APBB2: variants seen among roughly 807,000 people sequenced by gnomAD.
APBB2 encodes Fe65-like 1.
A neutral mutation model predicts 82.5 loss-of-function variants in APBB2; 38 were observed. That is an observed-to-expected ratio of 0.46 (90% confidence interval 0.36 to 0.60). The LOEUF (loss-of-function observed/expected upper bound fraction) is 0.60, where lower values mean the gene tolerates loss of function less well. Ranked by LOEUF, APBB2 falls within the 20% of genes least tolerant of loss-of-function variation. The pLI is 0.00. For missense variants in APBB2, 772 were observed against 972.3 expected (o/e 0.79, Z 2.74); for synonymous variants, 341 against 368.2 (o/e 0.93, Z 0.85).
chr4:41,116,733 A>G (rs28627130), intron 2 of APBB2, among the ~76,000 whole-genome samples: 29,326 of 152,226 alleles, frequency 0.19, 2,982 homozygotes, highest in African/African-American at 0.26. Context: ...TAATAATTGT[A>G]TAAATGAGGG....
intron 5 of APBB2, among the ~76,000 whole-genome samples, chr4:41,031,760 A>C (rs1042322600): frequency 6.6e-6 from 1 of 152,234 alleles, no homozygotes; most frequent in African/African-American, 2.4e-5. Context: ...TTAATAACCT[A>C]TCTCATAAAA....
At chr4:40,880,179 A>T in intron 12 of APBB2, 2 of 985,412 alleles carry the variant, frequency 2.0e-6, no homozygotes, top group Non-Finnish European at 2.4e-6. Flanking sequence ...AAGAGGCACA[A>T]TTACATTGCA....
chr4:40,980,648 T>C (rs1465658638), intron 6 of APBB2, among the ~76,000 whole-genome samples: 1 of 152,204 alleles, frequency 6.6e-6, no homozygotes. Context: ...GCCCTAAAGT[T>C]AGATAGATCT....
At chr4:41,077,396 C>G (rs572228193) in intron 3 of APBB2, among the ~76,000 whole-genome samples, 5 of 151,988 alleles carry the variant, frequency 3.3e-5, no homozygotes, top group African/African-American at 1.2e-4. Context: ...AAAAAGAGAA[C>G]AGTCTTCACA....
chr4:40,930,420 A>AGT (rs566261600), intron 10 of APBB2, among the ~76,000 whole-genome samples: 6,676 of 145,726 alleles, frequency 0.046, 184 homozygotes, highest in African/African-American at 0.079. Flanking sequence ...TCTTTGGGGA[A>AGT]GTGTGTGTGT....
chr4:40,922,322 T>C (rs545500336), intron 10 of APBB2, among the ~76,000 whole-genome samples: 1 of 152,322 alleles, frequency 6.6e-6, no homozygotes, highest in East Asian at 1.9e-4. Context: ...ACTACCCTGC[T>C]ATGTATGTAC....
intron 2 of APBB2, among the ~76,000 whole-genome samples, chr4:41,140,080 TA>T (rs1363619849): frequency 6.6e-6 from 1 of 152,174 alleles, no homozygotes; most frequent in East Asian, 1.9e-4. Context: ...ATGAAAACTC[TA>T]TCATTAAAAA....
At chr4:40,869,847 A>AG in intron 12 of APBB2, among the ~76,000 whole-genome samples, 1 of 152,108 alleles carries the variant, frequency 6.6e-6, no homozygotes, top group Non-Finnish European at 1.5e-5. Context: ...CTAAATACCT[A>AG]GTATTTAGTA....
chr4:41,045,085 T>C (rs938797024), intron 4 of APBB2, among the ~76,000 whole-genome samples: 8 of 152,136 alleles, frequency 5.3e-5, no homozygotes, highest in Non-Finnish European at 1.0e-4. Context: ...TCAGTATTTG[T>C]AGTATTTAGT....
Position 40,996,444 on chromosome 4 carries a change from A to T in APBB2, c.835+17139T>A, listed in dbSNP as rs1236238679. 2.6e-5 allele frequency among the ~76,000 whole-genome samples: 4 copies of T among 152,292 alleles called. No homozygotes were observed. In the East Asian group the frequency reaches 7.7e-4, roughly 29 times the overall value. ...AATAAAGGACATACACGAGTCCCAG[A>T]CAGGGTGCAGAAATTTGGTGTCCAG... On this transcript the variant is annotated intron_variant, in intron 6 of 17. Coordinates refer to ENST00000508593, the MANE Select transcript of APBB2 (RefSeq NM_004307.2).
chr4:40,993,130 C>T (rs1179134651), intron 6 of APBB2, among the ~76,000 whole-genome samples: 1 of 152,174 alleles, frequency 6.6e-6, no homozygotes, highest in Admixed American at 6.5e-5. Context: ...CACAACCACC[C>T]CACAAGGCAG....
At chr4:41,122,741 A>T (rs1439768954) in intron 2 of APBB2, among the ~76,000 whole-genome samples, 1 of 152,176 alleles carries the variant, frequency 6.6e-6, no homozygotes, top group Non-Finnish European at 1.5e-5. Flanking sequence ...TTGTAATTTC[A>T]GTGATTTTTT....
chr4:41,032,974 G>T (rs1717569808), intron 5 of APBB2, among the ~76,000 whole-genome samples: 1 of 150,738 alleles, frequency 6.6e-6, no homozygotes, highest in Non-Finnish European at 1.5e-5. Flanking sequence ...TAGTAGAGAC[G>T]GGGTTTCACC....
intron 2 of APBB2, among the ~76,000 whole-genome samples, chr4:41,137,276 C>CAGT (rs1757842574): frequency 6.6e-6 from 1 of 152,116 alleles, no homozygotes; most frequent in African/African-American, 2.4e-5. Flanking sequence ...AACCTTCATT[C>CAGT]AGTAGTTATT....
intron 10 of APBB2, among the ~76,000 whole-genome samples, chr4:40,930,375 C>T (rs1196488980): frequency 6.6e-6 from 1 of 151,536 alleles, no homozygotes; most frequent in African/African-American, 2.4e-5. Flanking sequence ...TTGGTAGGTT[C>T]AAAAAACATT....
At chr4:40,999,515 G>A (rs760409179) in intron 6 of APBB2, among the ~76,000 whole-genome samples, 2 of 152,178 alleles carry the variant, frequency 1.3e-5, no homozygotes, top group Non-Finnish European at 2.9e-5. Context: ...GGATATGGCA[G>A]GGAACAAAGA....
chr4:41,029,023 C>T (rs544593345), intron 5 of APBB2, among the ~76,000 whole-genome samples: 11 of 152,198 alleles, frequency 7.2e-5, no homozygotes, highest in Non-Finnish European at 1.5e-4. Flanking sequence ...ACTCCCGCGA[C>T]ATGCTTATAA....
intron 12 of APBB2, among the ~76,000 whole-genome samples, chr4:40,837,045 G>A (rs1754184577): frequency 6.6e-6 from 1 of 152,212 alleles, no homozygotes; most frequent in East Asian, 1.9e-4. Context: ...CAACAGGGTA[G>A]GTCCTTGATT....
chr4:41,102,271 T>A (rs1745734455), intron 2 of APBB2, among the ~76,000 whole-genome samples: 1 of 152,306 alleles, frequency 6.6e-6, no homozygotes, highest in South Asian at 2.1e-4. Context: ...GCAAACACCA[T>A]AAGCATCATT....
Sources: gnomAD v4.1 joint callset for allele counts (sites outside exome capture counted in the v4.1 genomes callset) on GRCh38, gnomAD v4.1.1 for gene constraint, MANE v1.5 for transcripts, NCBI Gene and HGNC (gene_info 2026-07-23, HGNC 2026-07-21) for gene names.